Variants in MOCS1 observed in about 807,000 individuals in gnomAD.
The protein encoded by MOCS1 is molybdenum cofactor biosynthesis protein 1.
In MOCS1, 39 loss-of-function variants were observed where a neutral mutation model predicts 57.6. That is an observed-to-expected ratio of 0.68 (90% CI 0.52 to 0.88). The LOEUF is 0.88. Ranked by LOEUF, MOCS1 falls within the 40% of genes least tolerant of loss-of-function variation. MOCS1 has a pLI of 0.00. For missense variants in MOCS1, 795 were observed against 831.1 expected (o/e 0.96, Z 0.53); for synonymous variants, 334 against 335.7 (o/e 1.00, Z 0.05).
chr6:39,931,814 C>G lies in MOCS1; in HGVS notation c.123+2481G>C, dbSNP rs761802281. 2.6e-5 allele frequency among the ~76,000 whole-genome samples: 4 copies of G among 152,290 alleles called. No individual in the cohort carries two copies. The East Asian group carries it at 7.7e-4, about 29-fold the overall frequency. On this transcript the variant is annotated intron_variant, in intron 1 of 10. Transcript: ENST00000340692. The stretch of plus-strand genomic sequence containing the variant: ...CTAGACTCACCCTCCCTGCTTCCCC[C>G]GCCACAGGCAGCAGGCTTCATTGTT...
At chr6:39,912,490 C>G (rs531339555) in intron 7 of MOCS1, 116 bp from the exon 8 acceptor site, 1 of 776,608 alleles carries the variant, frequency 1.3e-6, no homozygotes, top group Admixed American at 2.0e-5. Context: ...GAGGACCCCA[C>G]GTGAAGCTCC....
intron 1 of MOCS1, among the ~76,000 whole-genome samples, chr6:39,932,661 G>A (rs1768701300): frequency 6.6e-6 from 1 of 152,222 alleles, no homozygotes; most frequent in Admixed American, 6.5e-5. Context: ...GATTCAATGT[G>A]AGTTGACAGA....
chr6:39,925,165 C>T (rs1768204942), intron 3 of MOCS1, among the ~76,000 whole-genome samples: 1 of 152,214 alleles, frequency 6.6e-6, no homozygotes, highest in African/African-American at 2.4e-5. Flanking sequence ...TATAACTTGC[C>T]AATTTCTGGG....
chr6:39,909,139 AG>A lies in MOCS1; in HGVS notation c.1103-38del, dbSNP rs1176858068. 4 of 946,846 alleles carry A rather than the reference AG, an allele frequency of 4.2e-6. No homozygotes were observed. The South Asian group carries it at 5.2e-5, about 12-fold the overall frequency. The allele number at this position is 946,846 out of a possible 1,614,324, so 58.7% of individuals were successfully genotyped here. ...GAAAGATGGGGAGGGAGAGGAAAGCAGGGGAGGGGGAGAGGGAGAGGAAAGC... is the reference window on the plus strand; with the variant it reads ...GAAAGATGGGGAGGGAGAGGAAAGCAGGGAGGGGGAGAGGGAGAGGAAAGC... On this transcript the variant is annotated intron_variant, in intron 9 of 10. Coordinates refer to ENST00000340692, the MANE Select transcript of MOCS1 (RefSeq NM_001358530.2).
intron 3 of MOCS1, among the ~76,000 whole-genome samples, chr6:39,918,727 T>A (rs1468091805): frequency 6.6e-6 from 1 of 151,960 alleles, no homozygotes; most frequent in East Asian, 1.9e-4. Flanking sequence ...AAACACAAGA[T>A]GCAGAGGAAA....
In MOCS1 at chr6:39,916,374, T is replaced by C. The variant is rs73414872; in HGVS notation, c.419-142A>G. ...CAGACCTATATTAACCAGGCCTAAC[T>C]TAAAAAGAAAGCTAAGAATCAAAAC... On this transcript the variant is annotated intron_variant, in intron 3 of 10. Transcript: ENST00000340692. 22,404 of 1,002,852 alleles carry C rather than the reference T, an allele frequency of 0.022. 645 individuals are homozygous for C. Among genetic ancestry groups the C allele is most frequent in the African/African-American group, 0.11 (6,863 of 61,360 alleles). 62.1% of individuals were successfully genotyped at this position (1,002,852 alleles called of 1,614,324 possible). A position where few individuals can be genotyped will look rare whatever the true frequency, so the allele number is the denominator to read the frequency against.
chr6:39,905,300 T>G lies in MOCS1; in HGVS notation c.*1057A>C, dbSNP rs778950971. On this transcript the variant is annotated 3_prime_UTR_variant, in exon 11 of 11. Coordinates refer to ENST00000340692, the MANE Select transcript of MOCS1 (RefSeq NM_001358530.2). The stretch of plus-strand genomic sequence containing the variant: ...CCCCTGGCCACCACCTGACAAAAGA[T>G]TTCCCTTAGATGGTGCATTTCTATG... 6.6e-6 allele frequency: 3 copies of G among 455,374 alleles called. No homozygotes were observed. The highest frequency in any genetic ancestry group is 2.3e-5 in the Admixed American group (1 of 42,582). 28.2% of individuals were successfully genotyped at this position (455,374 alleles called of 1,614,324 possible).
intron 3 of MOCS1, among the ~76,000 whole-genome samples, chr6:39,924,500 C>A (rs1454873647): frequency 6.6e-6 from 1 of 152,194 alleles, no homozygotes; most frequent in Non-Finnish European, 1.5e-5. Flanking sequence ...GAGATAAATG[C>A]TATGAAGCAA....
rs543129280 is a variant in MOCS1, at chr6:39,906,420, C to T, written c.1848G>A (p.Val616=). ...DMCKAVSRDI[V]LEEIKLISKT... is the part of the protein sequence containing the mutation. ...TGCTAATGAGCTTGATCTCCTCCAACACGATGTCCCTGCTGACAGCCTTGC... is the reference window on the plus strand; with the variant it reads ...TGCTAATGAGCTTGATCTCCTCCAATACGATGTCCCTGCTGACAGCCTTGC... The change falls in exon 11 of 11, where the codon GTG becomes GTA. Residue 616 remains valine (V), a synonymous_variant. Transcript: ENST00000340692. 8.7e-5 allele frequency: 140 copies of T among 1,605,688 alleles called. No homozygotes were observed. Among genetic ancestry groups the T allele is most frequent in the Non-Finnish European group, 1.2e-4 (136 of 1,173,400 alleles).
At chr6:39,933,195 AAC>A in intron 1 of MOCS1, among the ~76,000 whole-genome samples, 1 of 152,294 alleles carries the variant, frequency 6.6e-6, no homozygotes, top group Middle Eastern at 3.4e-3. Context: ...TGAGTCACTC[AAC>A]ACAGGTTCTC....
At chr6:39,909,605 G>T (rs578192388) in intron 9 of MOCS1, among the ~76,000 whole-genome samples, 1 of 152,076 alleles carries the variant, frequency 6.6e-6, no homozygotes, top group Non-Finnish European at 1.5e-5. Context: ...AGAATCTGGG[G>T]TCCCCTCTCC....
chr6:39,906,756 C>G lies in MOCS1; in HGVS notation c.1512G>C (p.Arg504=). ...VDVGRKPDTE[R]VAVASAVVLL... ...GGACCACGGCTGAAGCCACAGCCACCCGCTCTGTGTCTGGCTTCCTGCCCA... is the reference window on the plus strand; with the variant it reads ...GGACCACGGCTGAAGCCACAGCCACGCGCTCTGTGTCTGGCTTCCTGCCCA... The change falls in exon 11 of 11, where the codon CGG becomes CGC. Residue 504 remains arginine (R), a synonymous_variant. Transcript: ENST00000340692. 1 of 1,614,226 alleles carries G rather than the reference C, an allele frequency of 6.2e-7. No homozygotes were observed. The highest frequency in any genetic ancestry group is 8.5e-7 in the Non-Finnish European group (1 of 1,180,040).
Position 39,912,892 on chromosome 6 carries a change from C to T in MOCS1, c.870G>A (p.Lys290=), listed in dbSNP as rs1243201855. 1 of 1,613,810 alleles carries T rather than the reference C, an allele frequency of 6.2e-7. No homozygotes were observed. The highest frequency in any genetic ancestry group is 1.1e-5 in the South Asian group (1 of 91,070). ...KVPEEESSTA[K]AFKIPGFQGQ... ...GCCCCACACCCTCCTGCTCCCTAAC[C>T]TTGGCTGTGCTGGATTCCTCCTCTG... The change falls in exon 7 of 11, where the codon AAG becomes AAA. Residue 290 remains lysine (K), a splice_region_variant and synonymous_variant. Transcript: ENST00000340692.
chr6:39,922,400 T>G (rs899460845), intron 3 of MOCS1, among the ~76,000 whole-genome samples: 1 of 152,112 alleles, frequency 6.6e-6, no homozygotes, highest in African/African-American at 2.4e-5. Context: ...TCTAAAAACA[T>G]TAGATTTTTT....
intron 7 of MOCS1, 117 bp from the exon 8 acceptor site, chr6:39,912,491 G>A (rs1412487406): frequency 2.1e-5 from 16 of 777,404 alleles, no homozygotes; most frequent in Middle Eastern, 4.6e-4. Context: ...AGGACCCCAC[G>A]TGAAGCTCCA....
intron 3 of MOCS1, among the ~76,000 whole-genome samples, chr6:39,919,622 A>G (rs1767854842): frequency 6.6e-6 from 1 of 152,228 alleles, no homozygotes; most frequent in South Asian, 2.1e-4. Flanking sequence ...GCCCTACCAG[A>G]TAATTGACTG....
chr6:39,912,431 AGTT>A, intron 7 of MOCS1, 57 bp from the exon 8 acceptor site: 3 of 1,218,630 alleles, frequency 2.5e-6, no homozygotes, highest in Non-Finnish European at 2.4e-6. Flanking sequence ...TACTGAGCCC[AGTT>A]TCTCACTCCA....
At position 39,905,125 on chromosome 6, in the gene MOCS1, G is replaced by A. The variant is rs1194751200; in HGVS notation, c.*1232C>T. ...ATAGGGCAGAGGGGAGGCAGGCAGG[G>A]GGCACCACTGAGGACTCAAAGACAT... On this transcript the variant is annotated 3_prime_UTR_variant, in exon 11 of 11. Coordinates refer to ENST00000340692, the MANE Select transcript of MOCS1 (RefSeq NM_001358530.2). 1 of 454,372 alleles carries A rather than the reference G, an allele frequency of 2.2e-6. No individual in the cohort carries two copies. The highest frequency in any genetic ancestry group is 6.9e-5 in the East Asian group (1 of 14,400). The allele number at this position is 454,372 out of a possible 1,614,324, so 28.1% of individuals were successfully genotyped here. A position where few individuals can be genotyped will look rare whatever the true frequency, so the allele number is the denominator to read the frequency against.
chr6:39,929,597 G>A (rs1342643044), intron 1 of MOCS1, among the ~76,000 whole-genome samples: 1 of 151,920 alleles, frequency 6.6e-6, no homozygotes, highest in East Asian at 1.9e-4. Context: ...GGACCAAGGA[G>A]CATTATTCAG....
Sources: gnomAD v4.1 joint callset for allele counts (sites outside exome capture counted in the v4.1 genomes callset) on GRCh38, gnomAD v4.1.1 for gene constraint, MANE v1.5 for transcripts, NCBI Gene and HGNC (gene_info 2026-07-23, HGNC 2026-07-21) for gene names.